CLASP1: variants seen among roughly 807,000 people sequenced by gnomAD.
CLASP1 encodes the protein cytoplasmic linker associated protein 1.
Under a neutral mutation model 192.3 loss-of-function variants are expected in CLASP1, and 38 were observed. That is an observed-to-expected ratio of 0.20 (90% CI 0.15 to 0.26). The LOEUF is 0.26. Ranked by LOEUF, CLASP1 falls within the 10% of genes least tolerant of loss-of-function variation. The pLI is 1.00. For synonymous variants in CLASP1, 691 were observed against 712.8 expected (o/e 0.97, Z 0.49); for missense variants, 1,433 against 1,932.5 (o/e 0.74, Z 4.85).
intron 19 of CLASP1, among the ~76,000 whole-genome samples, chr2:121,443,783 T>C (rs1473961143): frequency 6.6e-6 from 1 of 152,182 alleles, no homozygotes; most frequent in Non-Finnish European, 1.5e-5. Context: ...ATCCAAGTAA[T>C]TCTCACGATG....
At chr2:121,443,246 AT>A (rs1361922048) in intron 19 of CLASP1, among the ~76,000 whole-genome samples, 2 of 151,878 alleles carry the variant, frequency 1.3e-5, no homozygotes, top group Non-Finnish European at 2.9e-5. Context: ...TGAGAGGGCA[AT>A]TCTGACCTTA....
At chr2:121,401,920 T>C in intron 26 of CLASP1, 50 bp from the exon 28 acceptor site, 1 of 658,220 alleles carries the variant, frequency 1.5e-6, no homozygotes, top group Non-Finnish European at 2.8e-6. Context: ...ACAAATTCCA[T>C]GTTAGTTGGC....
chr2:121,642,516 G>A lies in CLASP1; in HGVS notation c.-286+6856C>T, dbSNP rs181103379. On this transcript the variant is annotated intron_variant, in intron 1 of 39. Coordinates refer to ENST00000263710, the Ensembl canonical transcript of CLASP1. ...GGAGGCTGAGGCAGGTGGATCACTT[G>A]AGGTCAGGAGTTCGAGACCAGCCTG... is the stretch of plus-strand genomic sequence containing the variant. 6.6e-5 allele frequency among the ~76,000 whole-genome samples: 10 copies of A among 152,018 alleles called. No homozygotes were observed. In the East Asian group the frequency reaches 1.9e-3, roughly 29 times the overall value.
intron 22 of CLASP1, among the ~76,000 whole-genome samples, chr2:121,420,577 A>C (rs1189233364): frequency 6.6e-6 from 1 of 152,220 alleles, no homozygotes; most frequent in Non-Finnish European, 1.5e-5. Context: ...CCCTCATTTT[A>C]AATGAGAAGG....
chr2:121,415,295 A>G (rs1360649431), intron 23 of CLASP1, among the ~76,000 whole-genome samples: 1 of 152,184 alleles, frequency 6.6e-6, no homozygotes, highest in East Asian at 1.9e-4. Flanking sequence ...AAATGGTGCT[A>G]ATAATGGTTA....
chr2:121,599,587 CA>C (rs763909303), intron 2 of CLASP1, among the ~76,000 whole-genome samples: 7,796 of 41,262 alleles, frequency 0.19, 256 homozygotes, highest in African/African-American at 0.37. Context: ...GACTCCATCT[CA>C]AAAAAAAAAA....
chr2:121,432,894 C>A (rs2149667280), intron 19 of CLASP1, among the ~76,000 whole-genome samples: 1 of 152,308 alleles, frequency 6.6e-6, no homozygotes, highest in Non-Finnish European at 1.5e-5. Flanking sequence ...ACTTTTACTT[C>A]TTTGCCTTTA....
chr2:121,470,151 ATACT>A (rs1468539148), intron 8 of CLASP1, 191 bp from the exon 9 acceptor site: 11 of 660,542 alleles, frequency 1.7e-5, no homozygotes, highest in Admixed American at 6.5e-5. Flanking sequence ...TACAAAGATC[ATACT>A]TGCTTTCACA....
At chr2:121,520,073 C>T (rs1055549079) in intron 6 of CLASP1, among the ~76,000 whole-genome samples, 16 of 152,200 alleles carry the variant, frequency 1.1e-4, no homozygotes, top group Non-Finnish European at 1.6e-4. Context: ...AGGTCTCCAA[C>T]GTCTGACCAT....
intron 4 of CLASP1, among the ~76,000 whole-genome samples, chr2:121,528,262 T>C (rs1575678123): frequency 6.6e-6 from 1 of 152,074 alleles, no homozygotes; most frequent in African/African-American, 2.4e-5. Context: ...TAAAGGACAG[T>C]AGAAGCTGGG....
chr2:121,442,645 A>G (rs1459651735), intron 19 of CLASP1, among the ~76,000 whole-genome samples: 2 of 151,972 alleles, frequency 1.3e-5, no homozygotes, highest in Non-Finnish European at 2.9e-5. Flanking sequence ...ACATCTGGCT[A>G]ATTTTTGTAT....
At chr2:121,530,554 G>A (rs1314720871) in intron 2 of CLASP1, 1 of 551,498 alleles carries the variant, frequency 1.8e-6, no homozygotes, top group African/African-American at 1.9e-5. Flanking sequence ...CGAAATAAAA[G>A]GCAATACAGC....
chr2:121,366,029 A>C (rs961585890), intron 35 of CLASP1, among the ~76,000 whole-genome samples: 17 of 152,240 alleles, frequency 1.1e-4, no homozygotes, highest in Non-Finnish European at 8.8e-5. Flanking sequence ...GTTATTAGGA[A>C]CTACTTAAAT....
intron 8 of CLASP1, among the ~76,000 whole-genome samples, chr2:121,492,905 G>C (rs1023109434): frequency 2.6e-5 from 4 of 152,100 alleles, no homozygotes; most frequent in African/African-American, 9.7e-5. Flanking sequence ...ATTCACAATA[G>C]ACAAAGGTAG....
At chr2:121,580,690 T>C (rs1324614204) in intron 2 of CLASP1, among the ~76,000 whole-genome samples, 1 of 152,244 alleles carries the variant, frequency 6.6e-6, no homozygotes, top group African/African-American at 2.4e-5. Context: ...ATTCTCCTAG[T>C]GCTGGGTAGT....
chr2:121,377,357 C>G, intron 34 of CLASP1, 142 bp downstream of exon 35: 1 of 644,426 alleles, frequency 1.6e-6, no homozygotes, highest in Non-Finnish European at 2.6e-6. Context: ...TACATGTCAA[C>G]TAAAACTAAA....
At chr2:121,624,432 T>G (rs1303598391) in intron 1 of CLASP1, among the ~76,000 whole-genome samples, 1 of 152,158 alleles carries the variant, frequency 6.6e-6, no homozygotes, top group South Asian at 2.1e-4. Context: ...TTTTTTGAGA[T>G]GGATTCTCAC....
At chr2:121,548,229 T>A (rs2057666183) in intron 2 of CLASP1, among the ~76,000 whole-genome samples, 1 of 151,998 alleles carries the variant, frequency 6.6e-6, no homozygotes, top group Non-Finnish European at 1.5e-5. Context: ...ACCTAAAGGA[T>A]CTGACAGAGC....
intron 2 of CLASP1, among the ~76,000 whole-genome samples, chr2:121,535,177 G>A (rs983710501): frequency 2.0e-5 from 3 of 152,204 alleles, no homozygotes; most frequent in Admixed American, 6.5e-5. Context: ...TGCTCTGCTC[G>A]GGAGGCTGAG....
Sources: allele counts gnomAD v4.1 joint callset (sites outside exome capture counted in the v4.1 genomes callset), GRCh38; gene constraint gnomAD v4.1.1; transcripts MANE v1.5; gene names NCBI Gene and HGNC (gene_info 2026-07-23, HGNC 2026-07-21).